Variants in ABCA12 observed in about 807,000 individuals in gnomAD.
The protein encoded by ABCA12 is ATP binding cassette subfamily A member 12, also known as glucosylceramide transporter ABCA12.
A neutral mutation model predicts 293.5 loss-of-function variants in ABCA12; 156 were observed. The observed-to-expected ratio is 0.53, with a 90% confidence interval of 0.47 to 0.61. The LOEUF (loss-of-function observed/expected upper bound fraction) is 0.61. Among genes scored for constraint, ABCA12 ranks in the 20% least tolerant of loss-of-function variants. The probability of loss-of-function intolerance (pLI) is 0.00; values close to 1 mark genes in which losing one functional copy is unlikely to be tolerated. For synonymous variants in ABCA12, 1,063 were observed against 1,108.0 expected (o/e 0.96, Z 0.81); for missense variants, 2,797 against 3,090.2 (o/e 0.91, Z 2.25).
intron 42 of ABCA12, 98 bp downstream of exon 42, chr2:214,956,565 A>G: frequency 4.6e-6 from 4 of 877,876 alleles, no homozygotes; most frequent in South Asian, 4.4e-5. Flanking sequence ...TGAAACCCCA[A>G]GACAATTGTA....
chr2:215,036,528 G>T (rs78692148), intron 8 of ABCA12, among the ~76,000 whole-genome samples: 1 of 151,904 alleles, frequency 6.6e-6, no homozygotes, highest in Non-Finnish European at 1.5e-5. Flanking sequence ...TATGCCAAAG[G>T]GACATTTTGT....
At chr2:214,965,008 G>A (rs1699219134) in intron 39 of ABCA12, among the ~76,000 whole-genome samples, 1 of 152,106 alleles carries the variant, frequency 6.6e-6, no homozygotes, top group Non-Finnish European at 1.5e-5. Context: ...AAAAAAGCAT[G>A]GTACTGGTAC....
intron 37 of ABCA12, among the ~76,000 whole-genome samples, chr2:214,969,853 C>T (rs886888567): frequency 2.0e-5 from 3 of 152,016 alleles, no homozygotes; most frequent in African/African-American, 7.2e-5. Context: ...TAAGTACAAG[C>T]ACATTTCCTT....
chr2:215,082,366 A>T (rs1400732375), intron 2 of ABCA12, among the ~76,000 whole-genome samples: 1 of 151,298 alleles, frequency 6.6e-6, no homozygotes, highest in Non-Finnish European at 1.5e-5. Flanking sequence ...CAGCCTTCCC[A>T]CCCTCAGGAT....
At chr2:215,120,417 A>G (rs958613379) in intron 1 of ABCA12, among the ~76,000 whole-genome samples, 1 of 152,204 alleles carries the variant, frequency 6.6e-6, no homozygotes, top group African/African-American at 2.4e-5. Flanking sequence ...AATTACAGCT[A>G]GTTGGAATGG....
At chr2:215,098,115 G>A (rs1702284684) in intron 2 of ABCA12, among the ~76,000 whole-genome samples, 1 of 151,994 alleles carries the variant, frequency 6.6e-6, no homozygotes, top group East Asian at 1.9e-4. Flanking sequence ...GCTGTGTAGA[G>A]AGGTGTATGA....
chr2:215,070,914 C>A (rs1701723656), intron 2 of ABCA12, among the ~76,000 whole-genome samples: 1 of 152,060 alleles, frequency 6.6e-6, no homozygotes, highest in South Asian at 2.1e-4. Context: ...GGAGCAGAGG[C>A]TCACACCTAT....
At chr2:215,074,573 A>G (rs924672894) in intron 2 of ABCA12, among the ~76,000 whole-genome samples, 7 of 152,174 alleles carry the variant, frequency 4.6e-5, no homozygotes, top group Non-Finnish European at 8.8e-5. Context: ...GTTGGCCACA[A>G]ATTTGGATCT....
intron 51 of ABCA12, 135 bp from the exon 52 acceptor site, chr2:214,934,350 G>A (rs115645639): frequency 3.4e-4 from 351 of 1,024,464 alleles, no homozygotes; most frequent in Non-Finnish European, 5.0e-4. Flanking sequence ...TATAAATAAC[G>A]AGTATATTTT....
At chr2:215,019,958 C>A (rs369285721) in intron 11 of ABCA12, among the ~76,000 whole-genome samples, 162 bp from the exon 12 acceptor site, 13 of 152,146 alleles carry the variant, frequency 8.5e-5, no homozygotes, top group East Asian at 5.8e-4. Flanking sequence ...GAAGTACTAC[C>A]GTCTGTCATT....
At chr2:214,991,730 A>G (rs562343387) in intron 23 of ABCA12, among the ~76,000 whole-genome samples, 5 of 152,284 alleles carry the variant, frequency 3.3e-5, no homozygotes, top group Admixed American at 1.3e-4. Context: ...CTCTCTCTCA[A>G]TTGATATTCT....
At chr2:215,125,798 C>T (rs1482831580) in intron 1 of ABCA12, among the ~76,000 whole-genome samples, 1 of 151,994 alleles carries the variant, frequency 6.6e-6, no homozygotes, top group Non-Finnish European at 1.5e-5. Flanking sequence ...ATTTATCTTG[C>T]CTGATTGCTC....
chr2:214,973,945 T>G lies in ABCA12; in HGVS notation c.5562+4A>C. 2 of 1,612,794 alleles carry G rather than the reference T, an allele frequency of 1.2e-6. No homozygotes were observed. The highest frequency in any genetic ancestry group is 2.2e-5 in the South Asian group (2 of 91,056). On this transcript the variant is annotated splice_donor_region_variant and intron_variant, in intron 36 of 52. Coordinates refer to ENST00000272895, the MANE Select transcript of ABCA12 (RefSeq NM_173076.3). ...CATTTCACTGAAACTGAATTCCATCTTACCTGGACATTTTCTGAGCAGGAG... is the reference window on the plus strand; with the variant it reads ...CATTTCACTGAAACTGAATTCCATCGTACCTGGACATTTTCTGAGCAGGAG...
chr2:214,963,404 G>A (rs1699167311), intron 39 of ABCA12: 3 of 151,938 alleles, frequency 2.0e-5, no homozygotes, highest in South Asian at 4.1e-4. Context: ...AACAAGTTCT[G>A]AAATTGAGGC....
At chr2:215,039,172 CTTAACT>C (rs1360559308) in intron 7 of ABCA12, 4 of 152,030 alleles carry the variant, frequency 2.6e-5, no homozygotes, top group Admixed American at 2.6e-4. Context: ...TTATTACTGT[CTTAACT>C]TTAACATTAT....
intron 20 of ABCA12, 65 bp downstream of exon 20, chr2:215,004,144 T>C (rs537297625): frequency 2.6e-5 from 35 of 1,370,562 alleles, no homozygotes; most frequent in Admixed American, 3.5e-5. Flanking sequence ...TGTAATCATA[T>C]GGAACAATGT....
intron 26 of ABCA12, 88 bp downstream of exon 26, chr2:214,989,241 T>C: frequency 1.1e-6 from 1 of 925,260 alleles, no homozygotes; most frequent in Non-Finnish European, 1.4e-6. Context: ...AAAAATTTTT[T>C]GCAAATAAAA....
At chr2:215,068,216 G>T (rs1287557896) in intron 2 of ABCA12, among the ~76,000 whole-genome samples, 1 of 152,130 alleles carries the variant, frequency 6.6e-6, no homozygotes, top group Non-Finnish European at 1.5e-5. Context: ...AAACTCTGGG[G>T]ATGGGGTTCA....
In ABCA12 at chr2:215,081,762, AG is replaced by A. The variant is rs530877599; in HGVS notation, c.164-17544del. Among the ~76,000 whole-genome samples, 69 of 152,222 alleles carry A rather than the reference AG, an allele frequency of 4.5e-4. 1 individual carries two copies. The East Asian group carries it at 0.012, about 26-fold the overall frequency. On this transcript the variant is annotated intron_variant, in intron 2 of 52. Coordinates refer to ENST00000272895, the MANE Select transcript of ABCA12 (RefSeq NM_173076.3). ...TATACACACACAATACATATGTTTT[AG>A]GAAGCCCAGGAGAGAATGTCAGGAC...
Sources: allele counts gnomAD v4.1 joint callset (sites outside exome capture counted in the v4.1 genomes callset), GRCh38; gene constraint gnomAD v4.1.1; transcripts MANE v1.5; gene names NCBI Gene and HGNC (gene_info 2026-07-23, HGNC 2026-07-21).